Variants in TRIM37 observed in about 807,000 individuals in gnomAD.
TRIM37 encodes the protein tripartite motif containing 37, also known as E3 ubiquitin-protein ligase TRIM37.
Under a neutral mutation model 129.8 loss-of-function variants are expected in TRIM37, and 80 were observed. The observed-to-expected ratio is 0.62, with a 90% confidence interval of 0.51 to 0.74. TRIM37 has a LOEUF of 0.74. Ranked by LOEUF, TRIM37 falls within the 30% of genes least tolerant of loss-of-function variation. The pLI is 0.00. For synonymous variants in TRIM37, 389 were observed against 387.1 expected (o/e 1.00, Z -0.06); for missense variants, 1,054 against 1,176.5 (o/e 0.90, Z 1.52).
downstream of TRIM37, among the ~76,000 whole-genome samples, chr17:58,994,146 G>GA (rs2032734942): frequency 6.6e-6 from 1 of 152,232 alleles, no homozygotes; most frequent in Non-Finnish European, 1.5e-5. Flanking sequence ...TTATAAATAA[G>GA]AGGGAAGGCC....
At chr17:58,996,832 ATATATG>A (rs1567922177), downstream of TRIM37, among the ~76,000 whole-genome samples, 2 of 151,436 alleles carry the variant, frequency 1.3e-5, no homozygotes, top group East Asian at 3.9e-4. Flanking sequence ...ATGTATGTAT[ATATATG>A]TATATTTATA....
intron 4 of TRIM37, among the ~76,000 whole-genome samples, chr17:59,084,384 T>C (rs2043568953): frequency 6.6e-6 from 1 of 152,188 alleles, no homozygotes; most frequent in Non-Finnish European, 1.5e-5. Context: ...AGATGATATA[T>C]TCTATTGTAC....
intron 16 of TRIM37, 61 bp downstream of exon 16, chr17:59,047,622 G>C: frequency 1.3e-6 from 2 of 1,525,412 alleles, no homozygotes; most frequent in Non-Finnish European, 1.8e-6. Context: ...GTGTGAGTTA[G>C]TTAATATGCT....
chr17:58,974,516 T>C, the TRIM37 span, among the ~76,000 whole-genome samples: 1 of 152,200 alleles, frequency 6.6e-6, no homozygotes, highest in Non-Finnish European at 1.5e-5. Context: ...AATTAAGCTA[T>C]TTCTGTCTTT....
intron 5 of TRIM37, among the ~76,000 whole-genome samples, chr17:59,081,937 C>CAAAAAAAAAAAA (rs1157296161): frequency 1.4e-4 from 7 of 48,896 alleles, no homozygotes; most frequent in African/African-American, 4.3e-4. Flanking sequence ...TAATAAAAAC[C>CAAAAAAAAAAAA]AAAAAAAAAA....
At chr17:59,026,679 T>C (rs1418061051) in intron 19 of TRIM37, among the ~76,000 whole-genome samples, 1 of 152,170 alleles carries the variant, frequency 6.6e-6, no homozygotes, top group Non-Finnish European at 1.5e-5. Flanking sequence ...CCGCACCTCC[T>C]CCAGCTTCTA....
chr17:59,075,765 A>C, intron 7 of TRIM37, 51 bp from the exon 8 acceptor site: 1 of 1,353,804 alleles, frequency 7.4e-7, no homozygotes, highest in Non-Finnish European at 1.1e-6. Flanking sequence ...TTGGTTTAAG[A>C]ATGAAATTAA....
intron 15 of TRIM37, among the ~76,000 whole-genome samples, chr17:59,048,741 C>T (rs2040057441): frequency 6.6e-6 from 1 of 152,112 alleles, no homozygotes; most frequent in African/African-American, 2.4e-5. Flanking sequence ...GGATTACAGG[C>T]AAGCACCACC....
chr17:59,067,117 G>A (rs2041978516), intron 9 of TRIM37, among the ~76,000 whole-genome samples: 1 of 152,098 alleles, frequency 6.6e-6, no homozygotes, highest in African/African-American at 2.4e-5. Flanking sequence ...TCGGCTCACT[G>A]ATTTTGCATT....
chr17:59,101,703 C>T (rs1439930000), intron 2 of TRIM37, among the ~76,000 whole-genome samples: 3 of 137,720 alleles, frequency 2.2e-5, no homozygotes, highest in African/African-American at 5.4e-5. Context: ...TATACACACA[C>T]ACACACACAC....
rs1412888183 is a variant in TRIM37, at chr17:59,106,436, C to T, written c.21+5G>A. The stretch of plus-strand genomic sequence containing the variant: ...GACTAACCACCACCCTCACAACCCC[C>T]TCACCTCCACGCTCTGTTCATCCAT... On this transcript the variant is annotated splice_donor_5th_base_variant and intron_variant, in intron 1 of 23. Transcript: ENST00000262294. 3.1e-6 allele frequency: 5 copies of T among 1,614,034 alleles called. No individual in the cohort carries two copies. In the African/African-American group the frequency reaches 5.3e-5, roughly 17 times the overall value.
At chr17:59,013,365 T>C (rs1286381479) in intron 21 of TRIM37, among the ~76,000 whole-genome samples, 1 of 152,146 alleles carries the variant, frequency 6.6e-6, no homozygotes, top group East Asian at 1.9e-4. Context: ...CCAGGCTGGC[T>C]CGAACTCCTG....
At chr17:59,042,234 G>C (rs1171200045) in intron 16 of TRIM37, among the ~76,000 whole-genome samples, 1 of 150,690 alleles carries the variant, frequency 6.6e-6, no homozygotes, top group Non-Finnish European at 1.5e-5. Context: ...AAATTAGCTG[G>C]GTGTGGTGGC....
intron 1 of TRIM37, 48 bp downstream of exon 1, chr17:59,106,393 T>C (rs778267946): frequency 2.5e-6 from 4 of 1,612,798 alleles, no homozygotes; most frequent in Non-Finnish European, 3.4e-6. Flanking sequence ...TAAAAACCGC[T>C]CATCGGGTGG....
chr17:59,088,829 TAAAA>T (rs1568220126), intron 3 of TRIM37, among the ~76,000 whole-genome samples: 4 of 150,600 alleles, frequency 2.7e-5, no homozygotes, highest in African/African-American at 9.8e-5. Flanking sequence ...ACTAAAAAAA[TAAAA>T]AATAAAAAAA....
chr17:59,029,749 G>A (rs966150394), intron 18 of TRIM37, among the ~76,000 whole-genome samples: 5 of 152,100 alleles, frequency 3.3e-5, no homozygotes, highest in Non-Finnish European at 5.9e-5. Flanking sequence ...AAATTGTAGA[G>A]CACTCCAGCC....
intron 23 of TRIM37, 62 bp downstream of exon 23, chr17:59,001,536 A>C: frequency 6.2e-7 from 1 of 1,609,242 alleles, no homozygotes; most frequent in East Asian, 2.2e-5. Context: ...GCAGAAGAAG[A>C]AGAAAGAGAA....
chr17:58,998,242 T>C lies in TRIM37; in HGVS notation c.*1135A>G. ...TTTATTAACAAAAAGTGCAAACTAT[T>C]TTGAACAAAAGTAAACTATGAGTCA... On this transcript the variant is annotated 3_prime_UTR_variant, in exon 24 of 24. Coordinates refer to ENST00000262294, the MANE Select transcript of TRIM37 (RefSeq NM_015294.6). 6 of 985,450 alleles carry C rather than the reference T, an allele frequency of 6.1e-6. No individual in the cohort carries two copies. Among genetic ancestry groups the C allele is most frequent in the Non-Finnish European group, 7.2e-6 (6 of 829,930 alleles). The allele number at this position is 985,450 out of a possible 1,614,324, so 61.0% of individuals were successfully genotyped here. A position where few individuals can be genotyped will look rare whatever the true frequency, so the allele number is the denominator to read the frequency against.
downstream of TRIM37, chr17:58,981,044 G>A: frequency 6.4e-7 from 1 of 1,553,608 alleles, no homozygotes; most frequent in African/African-American, 1.4e-5. Flanking sequence ...TTTCTTTCAA[G>A]TAGGTTAGCT....
Sources: gnomAD v4.1 joint callset for allele counts (sites outside exome capture counted in the v4.1 genomes callset) on GRCh38, gnomAD v4.1.1 for gene constraint, MANE v1.5 for transcripts, NCBI Gene and HGNC (gene_info 2026-07-23, HGNC 2026-07-21) for gene names.